Variants in PARD3 observed in about 807,000 individuals in gnomAD.
PARD3 encodes par-3 family cell polarity regulator.
PARD3 carries 75 observed loss-of-function variants against 155.4 expected under a neutral mutation model. The observed-to-expected ratio is 0.48, with a 90% confidence interval of 0.40 to 0.58. PARD3 has a LOEUF of 0.58. Ranked by LOEUF, PARD3 falls within the 20% of genes least tolerant of loss-of-function variation. PARD3 has a pLI of 0.00. For synonymous variants in PARD3, 576 were observed against 610.5 expected, an observed-to-expected ratio of 0.94 and a Z score of 0.83; for missense variants, 1,642 against 1,721.7, an observed-to-expected ratio of 0.95 and a Z score of 0.82.
intron 1 of PARD3, among the ~76,000 whole-genome samples, chr10:34,747,602 A>G (rs774870677): frequency 6.6e-6 from 1 of 152,182 alleles, no homozygotes; most frequent in South Asian, 2.1e-4. Flanking sequence ...CTTAGCTTCA[A>G]GGGGCTTCCA....
intron 1 of PARD3, among the ~76,000 whole-genome samples, chr10:34,804,856 T>C (rs951478126): frequency 5.9e-5 from 9 of 152,240 alleles, no homozygotes; most frequent in African/African-American, 2.2e-4. Flanking sequence ...AAAACAACAC[T>C]CCTTTCTTTG....
At chr10:34,638,956 G>A (rs915756680) in intron 2 of PARD3, among the ~76,000 whole-genome samples, 43 of 152,244 alleles carry the variant, frequency 2.8e-4, no homozygotes, top group African/African-American at 9.4e-4. Flanking sequence ...TATGAAATAC[G>A]GCTCTATGAA....
intron 3 of PARD3, among the ~76,000 whole-genome samples, chr10:34,498,264 T>A (rs1564781712): frequency 6.6e-6 from 1 of 152,310 alleles, no homozygotes; most frequent in East Asian, 1.9e-4. Flanking sequence ...TAATAATTCT[T>A]TTAAAAGTCT....
chr10:34,658,373 AAACAAATCCTT>A (rs2093236446), intron 2 of PARD3, among the ~76,000 whole-genome samples: 1 of 152,024 alleles, frequency 6.6e-6, no homozygotes, highest in Non-Finnish European at 1.5e-5. Context: ...ACAAATCACA[AAACAAATCCTT>A]AATATAAGGA....
chr10:34,689,296 C>G (rs577446236), intron 2 of PARD3, among the ~76,000 whole-genome samples: 2 of 152,308 alleles, frequency 1.3e-5, no homozygotes, highest in South Asian at 4.2e-4. Context: ...CTGCATCACA[C>G]GATCCCTCAG....
chr10:34,699,483 A>G (rs1383975550), intron 1 of PARD3, among the ~76,000 whole-genome samples: 1 of 152,222 alleles, frequency 6.6e-6, no homozygotes, highest in African/African-American at 2.4e-5. Context: ...CTTTCATACC[A>G]TAATTCTCTT....
intron 20 of PARD3, among the ~76,000 whole-genome samples, chr10:34,316,860 GATA>G (rs1158521597): frequency 2.0e-5 from 3 of 152,122 alleles, no homozygotes; most frequent in Non-Finnish European, 2.9e-5. Flanking sequence ...TGATCTCAAA[GATA>G]ATGTTTTCAA....
chr10:34,331,247 C>A lies in PARD3; in HGVS notation c.2703G>T (p.Gly901=). The change falls in exon 19 of 25, where the codon GGG becomes GGT. Residue 901 remains glycine, a synonymous_variant. Transcript: ENST00000374788. ...GCCGTGGACGATGGAAAGGAATATC[C>A]CCATTCAAAGTCACCTCGGCAACTG... The part of the protein sequence containing the change: ...QTAVAEVTLN[G]DIPFHRPRPR... The A allele has an allele frequency of 6.2e-7, 1 of 1,613,910 alleles. No individual in the cohort carries two copies. Among genetic ancestry groups the A allele is most frequent in the Non-Finnish European group, 8.5e-7 (1 of 1,179,922 alleles).
chr10:34,497,071 C>A (rs1367254609), intron 3 of PARD3, among the ~76,000 whole-genome samples: 1 of 152,010 alleles, frequency 6.6e-6, no homozygotes, highest in Non-Finnish European at 1.5e-5. Context: ...TTAAAATTTT[C>A]TGTAATAAAA....
chr10:34,750,949 A>G lies in PARD3; in HGVS notation c.121-54530T>C, dbSNP rs979245489. On this transcript the variant is annotated intron_variant, in intron 1 of 24. Transcript: ENST00000374788. ...AGTGATCTTCCCGCCTCACCCTCCC[A>G]AAGTGCTGTGATTACAGGCGTGAGC... is the stretch of plus-strand genomic sequence containing the variant. Among the ~76,000 whole-genome samples the G allele has an allele frequency of 3.9e-5, 6 of 152,248 alleles. No homozygotes were observed. The East Asian group carries it at 5.8e-4, about 15-fold the overall frequency.
At chr10:34,336,076 T>G (rs1329951040) in intron 18 of PARD3, 123 bp downstream of exon 18, 5 of 664,394 alleles carry the variant, frequency 7.5e-6, no homozygotes, top group African/African-American at 1.9e-5. Flanking sequence ...TTTCTCACAA[T>G]GAAAACATCT....
Position 34,736,496 on chromosome 10 carries a change from AT to A in PARD3, c.121-40078del, listed in dbSNP as rs539010369. Among the ~76,000 whole-genome samples the A allele has an allele frequency of 1.1e-4, 16 of 150,966 alleles. 1 individual carries two copies. Among genetic ancestry groups the A allele is most frequent in the Admixed American group, 5.9e-4 (9 of 15,160 alleles). ...GACACATGCCACCACACCTAGCTAAATTTTTTTTTCATCAGCAGACAAAGCT... is the reference window on the plus strand; with the variant it reads ...GACACATGCCACCACACCTAGCTAAATTTTTTTTCATCAGCAGACAAAGCT... On this transcript the variant is annotated intron_variant, in intron 1 of 24. Coordinates refer to ENST00000374788, the MANE Select transcript of PARD3 (RefSeq NM_001184785.2).
At chr10:34,506,556 ATGACATGATACAC>A (rs981671586) in intron 3 of PARD3, among the ~76,000 whole-genome samples, 2 of 152,220 alleles carry the variant, frequency 1.3e-5, no homozygotes, top group Admixed American at 1.3e-4. Context: ...GCAGATATAA[ATGACATGATACAC>A]TGAAGAGAGT....
At chr10:34,693,722 A>G (rs566440600) in intron 2 of PARD3, among the ~76,000 whole-genome samples, 2 of 152,136 alleles carry the variant, frequency 1.3e-5, no homozygotes, top group Non-Finnish European at 2.9e-5. Flanking sequence ...TTTTTTAAAA[A>G]TAAGAGGCTG....
chr10:34,538,239 T>A (rs1033637226), intron 2 of PARD3, among the ~76,000 whole-genome samples: 12 of 152,086 alleles, frequency 7.9e-5, no homozygotes, highest in African/African-American at 2.9e-4. Flanking sequence ...TAAGTTAGGG[T>A]TCCTAGCATC....
intron 1 of PARD3, among the ~76,000 whole-genome samples, chr10:34,771,107 A>G (rs544476058): frequency 1.3e-5 from 2 of 152,336 alleles, no homozygotes; most frequent in East Asian, 3.9e-4. Flanking sequence ...TCACTTGAAA[A>G]CATGCAAGCC....
At chr10:34,504,715 AGAAAG>A (rs2080945769) in intron 3 of PARD3, among the ~76,000 whole-genome samples, 1 of 152,218 alleles carries the variant, frequency 6.6e-6, no homozygotes, top group South Asian at 2.1e-4. Flanking sequence ...TCACTGAAAA[AGAAAG>A]GAGTCACTGA....
intron 1 of PARD3, among the ~76,000 whole-genome samples, chr10:34,811,761 C>A (rs1164611286): frequency 6.6e-6 from 1 of 152,146 alleles, no homozygotes; most frequent in African/African-American, 2.4e-5. Context: ...AGCCCTTCAA[C>A]CAACCCCACA....
intron 22 of PARD3, among the ~76,000 whole-genome samples, chr10:34,231,311 G>C (rs1478843206): frequency 1.3e-5 from 1 of 74,986 alleles, no homozygotes; most frequent in Non-Finnish European, 2.7e-5. Flanking sequence ...TAACTACAAA[G>C]AATCAACTTT....
Sources: allele counts gnomAD v4.1 joint callset (sites outside exome capture counted in the v4.1 genomes callset), GRCh38; gene constraint gnomAD v4.1.1; transcripts MANE v1.5; gene names NCBI Gene and HGNC (gene_info 2026-07-23, HGNC 2026-07-21).